PPP3CC: variants seen among roughly 807,000 people sequenced by gnomAD.
PPP3CC encodes serine/threonine-protein phosphatase 2B catalytic subunit gamma isoform.
In PPP3CC, 35 loss-of-function variants were observed where a neutral mutation model predicts 60.3. The observed-to-expected ratio is 0.58, with a 90% CI of 0.44 to 0.77. The LOEUF is 0.77. Ranked by LOEUF, PPP3CC falls within the 30% of genes least tolerant of loss-of-function variation. The pLI, the probability that PPP3CC is intolerant of heterozygous loss-of-function variation, is 0.00. For missense variants in PPP3CC, 570 were observed against 628.9 expected, an observed-to-expected ratio of 0.91 and a Z score of 1.00; for synonymous variants, 206 against 224.3, an observed-to-expected ratio of 0.92 and a Z score of 0.73.
At chr8:22,500,826 C>T (rs988403207) in intron 4 of PPP3CC, among the ~76,000 whole-genome samples, 8 of 152,126 alleles carry the variant, frequency 5.3e-5, no homozygotes, top group Non-Finnish European at 8.8e-5. Context: ...CAGCTAATTA[C>T]CAGGAAGTTT....
chr8:22,517,115 A>G (rs1396503611), intron 6 of PPP3CC, among the ~76,000 whole-genome samples: 1 of 152,218 alleles, frequency 6.6e-6, no homozygotes, highest in Non-Finnish European at 1.5e-5. Flanking sequence ...GAATGTAGCT[A>G]CTGGGAATAA....
chr8:22,531,810 TC>T (rs1472689426), intron 10 of PPP3CC, among the ~76,000 whole-genome samples: 14 of 152,226 alleles, frequency 9.2e-5, no homozygotes, highest in African/African-American at 3.4e-4. Context: ...GCTGGAATGA[TC>T]ACTTGCCATT....
intron 1 of PPP3CC, among the ~76,000 whole-genome samples, chr8:22,471,280 C>CTTTTT (rs557089522): frequency 7.8e-6 from 1 of 128,644 alleles, no homozygotes; most frequent in Admixed American, 7.9e-5. Context: ...CTTGATCATT[C>CTTTTT]TTTTTTTTTT....
chr8:22,483,313 G>A (rs1255741233), intron 3 of PPP3CC, among the ~76,000 whole-genome samples: 1 of 152,044 alleles, frequency 6.6e-6, no homozygotes, highest in Non-Finnish European at 1.5e-5. Flanking sequence ...TTGACACGGA[G>A]TCTCGCTGTG....
intron 3 of PPP3CC, among the ~76,000 whole-genome samples, chr8:22,490,383 A>C (rs1158865848): frequency 6.6e-6 from 1 of 152,130 alleles, no homozygotes; most frequent in Admixed American, 6.5e-5. Context: ...GAATGTGACC[A>C]TACTTTGAGA....
chr8:22,533,911 A>C (rs543113785), intron 12 of PPP3CC, among the ~76,000 whole-genome samples: 1 of 146,302 alleles, frequency 6.8e-6, no homozygotes, highest in Admixed American at 6.8e-5. Flanking sequence ...TTAAAACCAC[A>C]CTGAGGGCCG....
In PPP3CC at chr8:22,506,814, T is replaced by C. The variant is rs372582219; in HGVS notation, c.485-4272T>C. 3.8e-4 allele frequency among the ~76,000 whole-genome samples: 57 copies of C among 151,960 alleles called. 1 individual carries two copies. The East Asian group carries it at 9.3e-3, about 25-fold the overall frequency. ...AAAATTAGCCGGGTGTGGTGGTGGG[T>C]GCCTGTAGTCCCAGCTACTCGGGAG... On this transcript the variant is annotated intron_variant, in intron 4 of 13. Coordinates refer to ENST00000240139, the MANE Select transcript of PPP3CC (RefSeq NM_005605.5).
chr8:22,513,398 C>A lies in PPP3CC; in HGVS notation c.736C>A (p.His246Asn). 6.2e-7 allele frequency: 1 copy of A among 1,613,584 alleles called. No individual in the cohort carries two copies. Among genetic ancestry groups the A allele is most frequent in the South Asian group, 1.1e-5 (1 of 90,964 alleles). ...TGAGAAGACCTTGGAGCACTATACC[C>A]ACAACACTGTCCGAGGGTGCTCTTA... is the stretch of plus-strand genomic sequence containing the variant. ...GNEKTLEHYTHNTVRGCSYFY... is the reference protein window; with the variant it reads ...GNEKTLEHYTNNTVRGCSYFY... Residue 246 changes from histidine (H) to asparagine (N), a missense_variant, in exon 6 of 14, where the codon CAC (histidine) becomes AAC (asparagine). Physicochemically the swap from His to Asn is moderately conservative, Grantham distance 68 (BLOSUM62 1). Coordinates refer to ENST00000240139, the MANE Select transcript of PPP3CC (RefSeq NM_005605.5).
At chr8:22,498,659 C>G (rs1481417005) in intron 4 of PPP3CC, among the ~76,000 whole-genome samples, 1 of 152,094 alleles carries the variant, frequency 6.6e-6, no homozygotes, top group African/African-American at 2.4e-5. Context: ...TTTTCCATAT[C>G]ATTAAGTATT....
intron 12 of PPP3CC, among the ~76,000 whole-genome samples, chr8:22,536,002 G>C (rs1018753799): frequency 6.6e-6 from 1 of 152,198 alleles, no homozygotes; most frequent in African/African-American, 2.4e-5. Flanking sequence ...AAAGTGCTAG[G>C]ATTACAGGCG....
At chr8:22,515,836 T>G (rs972431710) in intron 6 of PPP3CC, among the ~76,000 whole-genome samples, 2 of 152,200 alleles carry the variant, frequency 1.3e-5, no homozygotes, top group African/African-American at 4.8e-5. Context: ...CCTATTGAAT[T>G]GTTTGAGCTC....
chr8:22,512,805 G>A (rs535206865), intron 5 of PPP3CC, among the ~76,000 whole-genome samples: 6 of 152,272 alleles, frequency 3.9e-5, no homozygotes, highest in African/African-American at 1.2e-4. Context: ...GACCGGGCGC[G>A]GTGGTTCACG....
intron 3 of PPP3CC, among the ~76,000 whole-genome samples, chr8:22,479,397 G>A (rs905967181): frequency 6.6e-6 from 1 of 151,876 alleles, no homozygotes; most frequent in Admixed American, 6.6e-5. Context: ...AGAGCATTTT[G>A]TACGCTCCTT....
At chr8:22,491,215 G>C (rs1307741600) in intron 3 of PPP3CC, among the ~76,000 whole-genome samples, 1 of 152,164 alleles carries the variant, frequency 6.6e-6, no homozygotes. Flanking sequence ...CCAGGAGAAA[G>C]GGTGTATGCA....
chr8:22,515,724 A>G (rs1449479502), intron 6 of PPP3CC, among the ~76,000 whole-genome samples: 1 of 152,136 alleles, frequency 6.6e-6, no homozygotes, highest in Non-Finnish European at 1.5e-5. Context: ...GATCGGTGAT[A>G]TTGAATACCT....
chr8:22,441,569 C>A, intron 1 of PPP3CC, 111 bp downstream of exon 1: 1 of 1,237,872 alleles, frequency 8.1e-7, no homozygotes. Flanking sequence ...CCTAGGAGGG[C>A]TCGGAGGGGT....
At chr8:22,498,532 C>T (rs932030019) in intron 4 of PPP3CC, among the ~76,000 whole-genome samples, 1 of 152,030 alleles carries the variant, frequency 6.6e-6, no homozygotes, top group Non-Finnish European at 1.5e-5. Flanking sequence ...GTCTTCCATT[C>T]TTTTTTATTA....
intron 1 of PPP3CC, among the ~76,000 whole-genome samples, chr8:22,460,173 C>T (rs1446388126): frequency 6.6e-6 from 1 of 151,726 alleles, no homozygotes; most frequent in African/African-American, 2.4e-5. Context: ...TTGTTTTGTG[C>T]TCTTTTAAAA....
chr8:22,517,380 T>C, intron 6 of PPP3CC, among the ~76,000 whole-genome samples: 1 of 152,206 alleles, frequency 6.6e-6, no homozygotes, highest in Non-Finnish European at 1.5e-5. Context: ...GGCCTCATAA[T>C]GTGAGTTTGG....
Sources: gnomAD v4.1 joint callset for allele counts (sites outside exome capture counted in the v4.1 genomes callset) on GRCh38, gnomAD v4.1.1 for gene constraint, MANE v1.5 for transcripts, NCBI Gene and HGNC (gene_info 2026-07-23, HGNC 2026-07-21) for gene names.